The following FOXN3 variants were observed in gnomAD, a reference collection of about 807,000 sequenced individuals.
FOXN3 encodes forkhead box N3.
Under a neutral mutation model 38.4 loss-of-function variants are expected in FOXN3, and 7 were observed. That is an observed-to-expected ratio of 0.18 (90% CI 0.10 to 0.34). FOXN3 has a LOEUF of 0.34. Ranked by LOEUF, FOXN3 falls within the 10% of genes least tolerant of loss-of-function variation. The pLI is 1.00. For missense variants in FOXN3, 456 were observed against 613.4 expected (o/e 0.74, Z 2.71); for synonymous variants, 230 against 242.2 (o/e 0.95, Z 0.47).
At chr14:89,613,733 T>C (rs1028057261) in intron 1 of FOXN3, among the ~76,000 whole-genome samples, 9 of 152,160 alleles carry the variant, frequency 5.9e-5, no homozygotes, top group Non-Finnish European at 1.3e-4. Flanking sequence ...GCAAGCACAA[T>C]GAAAGTAACA....
chr14:89,421,030 GA>G (rs915529218), upstream of FOXN3, among the ~76,000 whole-genome samples: 88 of 141,128 alleles, frequency 6.2e-4, no homozygotes, highest in South Asian at 1.8e-3. Context: ...GACTGTTTAA[GA>G]AAAAAAAAAA....
At chr14:89,476,046 C>T (rs959165036) in intron 1 of FOXN3, among the ~76,000 whole-genome samples, 21 of 152,018 alleles carry the variant, frequency 1.4e-4, no homozygotes, top group African/African-American at 5.1e-4. Context: ...GTGGGGGTGC[C>T]GTGGGAGGGG....
chr14:89,191,948 G>GTGTATATATATATATATATATATATATA (rs1887955991), intron 4 of FOXN3, among the ~76,000 whole-genome samples: 1 of 117,966 alleles, frequency 8.5e-6, no homozygotes, highest in African/African-American at 4.7e-5. Flanking sequence ...ACTGATATTA[G>GTGTATATATATATATATATATATATATA]TATATATATA....
intron 3 of FOXN3, among the ~76,000 whole-genome samples, chr14:89,283,427 C>T (rs1256798364): frequency 6.6e-6 from 1 of 152,116 alleles, no homozygotes; most frequent in Non-Finnish European, 1.5e-5. Flanking sequence ...TTGATTTTTT[C>T]CCCCCTCCAT....
chr14:89,309,968 C>T (rs1046899386), intron 3 of FOXN3, among the ~76,000 whole-genome samples: 3 of 152,216 alleles, frequency 2.0e-5, no homozygotes, highest in African/African-American at 7.2e-5. Flanking sequence ...AGTATGAACT[C>T]TTCTCTGTGT....
intron 4 of FOXN3, among the ~76,000 whole-genome samples, chr14:89,183,592 T>C (rs1887728673): frequency 6.6e-6 from 1 of 152,146 alleles, no homozygotes; most frequent in Admixed American, 6.5e-5. Context: ...TTGGGAAGGC[T>C]TCCTTCCTGT....
At chr14:89,454,003 T>C (rs1219494479) in intron 1 of FOXN3, among the ~76,000 whole-genome samples, 1 of 121,256 alleles carries the variant, frequency 8.2e-6, no homozygotes, top group Non-Finnish European at 1.8e-5. Flanking sequence ...TAATGCCCTC[T>C]TAAGAAGAAG....
chr14:89,221,439 T>C (rs1411186315), intron 4 of FOXN3, among the ~76,000 whole-genome samples: 1 of 152,248 alleles, frequency 6.6e-6, no homozygotes, highest in Non-Finnish European at 1.5e-5. Flanking sequence ...TTATTCACTA[T>C]GCCATATTAT....
intron 2 of FOXN3, 117 bp downstream of exon 2, chr14:89,411,816 TA>T: frequency 1.7e-6 from 1 of 600,240 alleles, no homozygotes; most frequent in Non-Finnish European, 2.6e-6. Context: ...TTAAATAGAC[TA>T]AAACCCACTT....
chr14:89,426,252 C>A (rs1006842666), intron 1 of FOXN3, among the ~76,000 whole-genome samples: 2 of 95,754 alleles, frequency 2.1e-5, no homozygotes, highest in Non-Finnish European at 3.9e-5. Flanking sequence ...GAGACAGGGT[C>A]TTGCTCTTGT....
At chr14:89,214,682 C>T (rs1265766595) in intron 4 of FOXN3, among the ~76,000 whole-genome samples, 1 of 152,212 alleles carries the variant, frequency 6.6e-6, no homozygotes, top group Non-Finnish European at 1.5e-5. Context: ...TCACTGGCAT[C>T]GACCCTGGAA....
In FOXN3 at chr14:89,180,769, C is replaced by T. The variant is rs1887646362; in HGVS notation, c.783G>A (p.Leu261=). Residue 261 remains leucine, a synonymous_variant, in exon 5 of 6, where the codon CTG becomes CTA. Coordinates refer to ENST00000557258, the MANE Select transcript of FOXN3 (RefSeq NM_005197.4). ...PGVIQNGARV[L]SRGLFPGVRP... is the part of the protein sequence containing the mutation. The stretch of plus-strand genomic sequence containing the variant: ...GCACGCCAGGAAACAGCCCTCGGCT[C>T]AGGACCCGCGCTCCATTTTGGATCA... The T allele has an allele frequency of 6.2e-7, 1 of 1,612,664 alleles. No homozygotes were observed. The highest frequency in any genetic ancestry group is 1.3e-5 in the African/African-American group (1 of 75,050).
chr14:89,219,066 C>A (rs1884373136), intron 4 of FOXN3, among the ~76,000 whole-genome samples: 1 of 152,186 alleles, frequency 6.6e-6, no homozygotes, highest in African/African-American at 2.4e-5. Context: ...TAAGAAATTC[C>A]TGCTTAATAC....
At position 89,316,853 on chromosome 14, in the gene FOXN3, C is replaced by T. The variant is rs539036213; in HGVS notation, c.680+33819G>A. Among the ~76,000 whole-genome samples, 8 of 151,608 alleles carry T rather than the reference C, an allele frequency of 5.3e-5. No individual in the cohort carries two copies. The South Asian group carries it at 6.3e-4, about 12-fold the overall frequency. On this transcript the variant is annotated intron_variant, in intron 3 of 5. Transcript: ENST00000557258. The stretch of plus-strand genomic sequence containing the variant: ...CTACTTTTTGTATTTTTAGTAGAGA[C>T]GGGGTTTCGCCATGTTGGCCAAGCT...
At chr14:89,436,263 T>G (rs1892273760) in intron 1 of FOXN3, among the ~76,000 whole-genome samples, 2 of 142,576 alleles carry the variant, frequency 1.4e-5, no homozygotes, top group African/African-American at 5.2e-5. Flanking sequence ...TTTATAGCCC[T>G]GGCCAGAAAA....
chr14:89,378,153 T>G (rs560723935), intron 2 of FOXN3, among the ~76,000 whole-genome samples: 1 of 152,000 alleles, frequency 6.6e-6, no homozygotes, highest in Non-Finnish European at 1.5e-5. Context: ...AGGAGAAAGA[T>G]GGTTCCCCTA....
chr14:89,207,309 C>T (rs1246006477), intron 4 of FOXN3, among the ~76,000 whole-genome samples: 6 of 151,796 alleles, frequency 4.0e-5, no homozygotes, highest in African/African-American at 7.3e-5. Context: ...TCAGTTACAA[C>T]GTATGGAACT....
At chr14:89,219,611 T>TA (rs1040803817) in intron 4 of FOXN3, among the ~76,000 whole-genome samples, 48 of 152,290 alleles carry the variant, frequency 3.2e-4, no homozygotes, top group Admixed American at 2.9e-3. Flanking sequence ...CTGCGACTCT[T>TA]ACCACGTACT....
At chr14:89,324,701 C>T (rs1263945909) in intron 3 of FOXN3, among the ~76,000 whole-genome samples, 2 of 152,068 alleles carry the variant, frequency 1.3e-5, no homozygotes, top group African/African-American at 4.8e-5. Context: ...ACATGGGTCC[C>T]CTGAAAACCA....
Sources: allele counts gnomAD v4.1 joint callset (sites outside exome capture counted in the v4.1 genomes callset), GRCh38; gene constraint gnomAD v4.1.1; transcripts MANE v1.5; gene names NCBI Gene and HGNC (gene_info 2026-07-23, HGNC 2026-07-21).